The following TPRG1 variants were observed in gnomAD, a reference collection of about 807,000 sequenced individuals.
TPRG1 encodes the protein tumor protein p63 regulated 1, also known as tumor protein p63-regulated gene 1 protein.
Under a neutral mutation model 29.3 loss-of-function variants are expected in TPRG1, and 29 were observed. The ratio of observed to expected loss-of-function variants is 0.99; its 90% CI spans 0.74 to 1.35. TPRG1 has a LOEUF of 1.35. TPRG1 is among the 40% of genes most tolerant of loss of function. The probability of loss-of-function intolerance (pLI) is 0.00; values close to 1 mark genes in which losing one functional copy is unlikely to be tolerated. For synonymous variants in TPRG1, 130 were observed against 116.8 expected, an observed-to-expected ratio of 1.11 and a Z score of -0.73; for missense variants, 327 against 335.0, an observed-to-expected ratio of 0.98 and a Z score of 0.19.
intron 1 of TPRG1, among the ~76,000 whole-genome samples, chr3:189,113,219 T>A (rs1720760917): frequency 6.6e-6 from 1 of 152,230 alleles, no homozygotes; most frequent in African/African-American, 2.4e-5. Context: ...TTTTTGTACA[T>A]TGATTTTGTA....
chr3:189,013,804 T>G (rs1339452051), intron 3 of TPRG1, among the ~76,000 whole-genome samples: 1 of 152,228 alleles, frequency 6.6e-6, no homozygotes, highest in East Asian at 1.9e-4. Context: ...TTTTGACTTT[T>G]GTTGATTTAA....
intron 1 of TPRG1, among the ~76,000 whole-genome samples, chr3:189,205,148 C>G (rs540083186): frequency 6.6e-6 from 1 of 152,174 alleles, no homozygotes; most frequent in Admixed American, 6.5e-5. Flanking sequence ...CTTGCTGCTA[C>G]GACTATTCAA....
chr3:189,105,197 T>G (rs1578367729), intron 1 of TPRG1, among the ~76,000 whole-genome samples: 1 of 152,100 alleles, frequency 6.6e-6, no homozygotes, highest in East Asian at 1.9e-4. Context: ...AGATGAGACT[T>G]GATTTTACTG....
At chr3:189,190,874 G>C (rs1257453526) in intron 1 of TPRG1, 1 of 726,926 alleles carries the variant, frequency 1.4e-6, no homozygotes, top group African/African-American at 1.9e-5. Flanking sequence ...TAGCTGCTTT[G>C]TGATTGAGTC....
At chr3:189,067,152 A>G (rs1444927129) in intron 4 of TPRG1, among the ~76,000 whole-genome samples, 4 of 152,192 alleles carry the variant, frequency 2.6e-5, no homozygotes, top group Non-Finnish European at 5.9e-5. Context: ...ACTATAAAAC[A>G]TTGATGCAAG....
chr3:189,221,743 CTGTG>C (rs958949737), intron 3 of TPRG1, among the ~76,000 whole-genome samples: 2 of 152,320 alleles, frequency 1.3e-5, no homozygotes, highest in African/African-American at 4.8e-5. Flanking sequence ...CAAAGTGACA[CTGTG>C]TGTGGTCGCT....
chr3:189,223,766 AGCG>A (rs1373641923), intron 3 of TPRG1, among the ~76,000 whole-genome samples: 2 of 152,210 alleles, frequency 1.3e-5, no homozygotes, highest in Admixed American at 6.5e-5. Context: ...GGATCTTAAG[AGCG>A]TTATTTCAAT....
intron 5 of TPRG1, among the ~76,000 whole-genome samples, chr3:189,317,777 G>T (rs112861834): frequency 0.017 from 2,641 of 152,260 alleles, 78 homozygotes; most frequent in African/African-American, 0.061. Context: ...ACTTACAAAG[G>T]TATATAAAAT....
Position 189,207,543 on chromosome 3 carries a change from C to A in TPRG1, c.159C>A (p.Tyr53Ter), listed in dbSNP as rs1282416177. Residue 53 changes from tyrosine to a stop codon, truncating the protein, a stop_gained, in exon 2 of 6, where the codon TAC becomes TAA. Transcript: ENST00000345063. LOFTEE classifies it high-confidence loss of function. ...RQSSVTESTL[Y>*]PNPYHQPYIS... is the part of the protein sequence containing the mutation. Reference sequence around the variant, plus strand: ...CAAGTGTGACCGAATCAACTCTTTACCCCAATCCTTATCATCAGCCTTATA... The same window carrying A: ...CAAGTGTGACCGAATCAACTCTTTAACCCAATCCTTATCATCAGCCTTATA... The A allele has an allele frequency of 1.9e-6, 3 of 1,613,926 alleles. No individual in the cohort carries two copies. Among genetic ancestry groups the A allele is most frequent in the African/African-American group, 1.3e-5 (1 of 74,906 alleles).
chr3:189,023,660 C>T (rs899684226), intron 3 of TPRG1: 4 of 152,188 alleles, frequency 2.6e-5, no homozygotes, highest in African/African-American at 9.7e-5. Flanking sequence ...GAGGTTGCTG[C>T]CCTTTGGATG....
intron 3 of TPRG1, among the ~76,000 whole-genome samples, chr3:189,224,176 A>G (rs941148496): frequency 2.6e-5 from 4 of 152,218 alleles, no homozygotes; most frequent in Non-Finnish European, 5.9e-5. Context: ...TCCAAAAGAA[A>G]TGATGGTATA....
At chr3:189,249,978 G>T (rs575114416) in intron 4 of TPRG1, among the ~76,000 whole-genome samples, 1 of 152,158 alleles carries the variant, frequency 6.6e-6, no homozygotes, top group Non-Finnish European at 1.5e-5. Flanking sequence ...TGAAAAATTT[G>T]CATATTTGTA....
At chr3:189,156,781 C>T (rs767700620) in intron 5 of TPRG1, among the ~76,000 whole-genome samples, 1 of 152,074 alleles carries the variant, frequency 6.6e-6, no homozygotes, top group Non-Finnish European at 1.5e-5. Context: ...GCACAGAGCT[C>T]AATGAAATTA....
intron 4 of TPRG1, among the ~76,000 whole-genome samples, chr3:189,309,066 C>CT (rs58250420): frequency 0.019 from 1,710 of 90,694 alleles, 9 homozygotes; most frequent in Middle Eastern, 0.053. Context: ...TTCCTATATA[C>CT]TTTTTTTTTT....
At chr3:189,161,464 CTT>C (rs869300717) in intron 5 of TPRG1, among the ~76,000 whole-genome samples, 10 of 103,038 alleles carry the variant, frequency 9.7e-5, no homozygotes, top group African/African-American at 6.7e-4. Context: ...GTAGTAGGTT[CTT>C]TTTTTTTATT....
intron 1 of TPRG1, among the ~76,000 whole-genome samples, chr3:189,181,636 C>T (rs767202982): frequency 1.3e-5 from 2 of 152,182 alleles, no homozygotes; most frequent in Non-Finnish European, 2.9e-5. Context: ...TTATTATCAG[C>T]ATTTTAGTCA....
intron 4 of TPRG1, among the ~76,000 whole-genome samples, chr3:189,291,925 C>T (rs538023706): frequency 2.0e-5 from 3 of 152,130 alleles, no homozygotes; most frequent in Admixed American, 6.5e-5. Flanking sequence ...GCAGAGACAT[C>T]CCAGAGCTCT....
chr3:189,319,178 T>C (rs1723999995), intron 5 of TPRG1, among the ~76,000 whole-genome samples: 1 of 152,200 alleles, frequency 6.6e-6, no homozygotes. Context: ...CTTCACTTTA[T>C]GAATATCATT....
intron 4 of TPRG1, among the ~76,000 whole-genome samples, chr3:189,040,378 T>A (rs1200519431): frequency 6.6e-6 from 1 of 152,210 alleles, no homozygotes; most frequent in African/African-American, 2.4e-5. Flanking sequence ...CAAATAAGCC[T>A]CCTCAGTTTT....
Sources: allele counts gnomAD v4.1 joint callset (sites outside exome capture counted in the v4.1 genomes callset), GRCh38; gene constraint gnomAD v4.1.1; transcripts MANE v1.5; gene names NCBI Gene and HGNC (gene_info 2026-07-23, HGNC 2026-07-21).